CSMD1: variants seen among roughly 807,000 people sequenced by gnomAD.
CSMD1 encodes CUB and Sushi multiple domains 1.
In CSMD1, 213 loss-of-function variants were observed where a neutral mutation model predicts 417.5. The observed-to-expected ratio is 0.51, with a 90% CI of 0.46 to 0.57. The LOEUF (loss-of-function observed/expected upper bound fraction) is 0.57. Ranked by LOEUF, CSMD1 falls within the 20% of genes least tolerant of loss-of-function variation. CSMD1 has a pLI of 0.00. For synonymous variants in CSMD1, 2,862 were observed against 1,736.8 expected (o/e 1.65, Z -16.11); for missense variants, 6,923 against 4,529.7 (o/e 1.53, Z -15.17).
rs200000774 is a variant in CSMD1, at chr8:3,906,489, C to A, written c.818+91414G>T. Among the ~76,000 whole-genome samples, 4 of 151,770 alleles carry A rather than the reference C, an allele frequency of 2.6e-5. No individual in the cohort carries two copies. The East Asian group carries it at 5.9e-4, about 22-fold the overall frequency. ...AAAAGACATAATGGACAAAGTGTATCCGATAAGAGAATGAAAAAACAAGGT... is the reference window on the plus strand; with the variant it reads ...AAAAGACATAATGGACAAAGTGTATACGATAAGAGAATGAAAAAACAAGGT... On this transcript the variant is annotated intron_variant, in intron 5 of 69. Transcript: ENST00000635120.
At chr8:4,205,550 G>T (rs1342652792) in intron 3 of CSMD1, among the ~76,000 whole-genome samples, 1 of 152,144 alleles carries the variant, frequency 6.6e-6, no homozygotes, top group Non-Finnish European at 1.5e-5. Flanking sequence ...ATTGAAAGTT[G>T]ACGGAACTCA....
At chr8:4,572,877 C>T (rs1349939767) in intron 2 of CSMD1, among the ~76,000 whole-genome samples, 2 of 152,250 alleles carry the variant, frequency 1.3e-5, no homozygotes, top group South Asian at 2.1e-4. Flanking sequence ...GATCTTCAAT[C>T]GCTGATATCC....
At chr8:4,494,542 T>C (rs1285671677) in intron 2 of CSMD1, among the ~76,000 whole-genome samples, 3 of 152,202 alleles carry the variant, frequency 2.0e-5, no homozygotes. Flanking sequence ...TAAACATTAT[T>C]GGAGATTTAT....
At chr8:3,813,368 T>G (rs1167852693) in intron 5 of CSMD1, among the ~76,000 whole-genome samples, 2 of 152,152 alleles carry the variant, frequency 1.3e-5, no homozygotes, top group Non-Finnish European at 2.9e-5. Flanking sequence ...TGATGTGAAG[T>G]AAATAAACAG....
At chr8:3,675,039 G>A (rs536077131) in intron 7 of CSMD1, among the ~76,000 whole-genome samples, 4 of 152,276 alleles carry the variant, frequency 2.6e-5, no homozygotes, top group African/African-American at 9.6e-5. Context: ...TTAGGTGGAT[G>A]TATTAATATC....
chr8:3,999,819 G>C (rs1053176032), intron 4 of CSMD1, among the ~76,000 whole-genome samples: 4 of 152,154 alleles, frequency 2.6e-5, no homozygotes, highest in African/African-American at 7.2e-5. Context: ...GTGTTCTCAT[G>C]TTTTAATAGT....
intron 1 of CSMD1, among the ~76,000 whole-genome samples, chr8:4,680,926 CAA>C: frequency 6.7e-6 from 1 of 150,026 alleles, no homozygotes; most frequent in East Asian, 2.0e-4. Flanking sequence ...CACACACACA[CAA>C]ACCCCTAATC....
At chr8:4,489,503 G>C (rs976966644) in intron 2 of CSMD1, among the ~76,000 whole-genome samples, 4 of 152,184 alleles carry the variant, frequency 2.6e-5, no homozygotes, top group African/African-American at 9.7e-5. Context: ...AACGAGAGGT[G>C]GTTGGAATAT....
chr8:4,802,618 T>C (rs1193089806), intron 1 of CSMD1, among the ~76,000 whole-genome samples: 1 of 152,174 alleles, frequency 6.6e-6, no homozygotes, highest in Non-Finnish European at 1.5e-5. Context: ...TGACTCTAGG[T>C]ATCCTGTCTG....
chr8:3,714,410 A>T (rs1018667567), intron 6 of CSMD1, among the ~76,000 whole-genome samples: 1 of 151,178 alleles, frequency 6.6e-6, no homozygotes, highest in Non-Finnish European at 1.5e-5. Context: ...ATTAACTTAC[A>T]TTTGGGAAAA....
chr8:2,990,451 C>T (rs1213777472), intron 54 of CSMD1, among the ~76,000 whole-genome samples: 1 of 152,172 alleles, frequency 6.6e-6, no homozygotes, highest in Non-Finnish European at 1.5e-5. Flanking sequence ...ATCCCCTAAA[C>T]CCATCCCCCA....
intron 3 of CSMD1, among the ~76,000 whole-genome samples, chr8:4,348,327 G>A (rs756469048): frequency 6.6e-5 from 10 of 152,102 alleles, no homozygotes; most frequent in Middle Eastern, 3.4e-3. Context: ...AGAGTGTGAG[G>A]CCACAGCAGC....
At position 3,772,432 on chromosome 8, in the gene CSMD1, CATACATTT is replaced by C. The variant is rs1175351017; in HGVS notation, c.819-18398_819-18391del. On this transcript the variant is annotated intron_variant, in intron 5 of 69. Coordinates refer to ENST00000635120, the MANE Select transcript of CSMD1 (RefSeq NM_033225.6). Reference sequence around the variant, plus strand: ...ATATATTTATATATACACATATATACATACATTTATATATACACATATATATACATATA... The same window carrying C: ...ATATATTTATATATACACATATATACATATATACACATATATATACATATA... Among the ~76,000 whole-genome samples, 4 of 74,994 alleles carry C rather than the reference CATACATTT, an allele frequency of 5.3e-5. 1 individual carries two copies. Among genetic ancestry groups the C allele is most frequent in the African/African-American group, 3.3e-4 (4 of 11,952 alleles). 49.2% of individuals were successfully genotyped at this position (74,994 alleles called of 152,430 possible).
At chr8:4,540,731 T>C (rs1797339199) in intron 2 of CSMD1, among the ~76,000 whole-genome samples, 1 of 152,182 alleles carries the variant, frequency 6.6e-6, no homozygotes, top group Non-Finnish European at 1.5e-5. Context: ...GTGTCTAAGC[T>C]GTGCCAGGTA....
chr8:4,655,762 T>C (rs1369039243), intron 1 of CSMD1, among the ~76,000 whole-genome samples: 1 of 152,138 alleles, frequency 6.6e-6, no homozygotes, highest in Non-Finnish European at 1.5e-5. Flanking sequence ...ACACTAATAG[T>C]ATAATTTACG....
chr8:3,557,872 G>T (rs1435542126), intron 10 of CSMD1, among the ~76,000 whole-genome samples: 1 of 152,154 alleles, frequency 6.6e-6, no homozygotes, highest in African/African-American at 2.4e-5. Flanking sequence ...TAATGCCATT[G>T]GTTCAGCATT....
chr8:3,528,246 G>T (rs1797835507), intron 10 of CSMD1, among the ~76,000 whole-genome samples: 2 of 152,312 alleles, frequency 1.3e-5, no homozygotes, highest in African/African-American at 2.4e-5. Flanking sequence ...TTGTGGAAAG[G>T]GATAGACACA....
chr8:3,231,355 A>C (rs1292632735), intron 26 of CSMD1, among the ~76,000 whole-genome samples: 1 of 152,144 alleles, frequency 6.6e-6, no homozygotes. Flanking sequence ...TTCAACACCA[A>C]GTTTTATGAA....
Position 3,574,954 on chromosome 8 carries a change from G to A in CSMD1, c.1335C>T (p.Asp445=), listed in dbSNP as rs780452190. The A allele has an allele frequency of 4.1e-5, 66 of 1,612,164 alleles. No individual in the cohort carries two copies. Among genetic ancestry groups the A allele is most frequent in the Non-Finnish European group, 5.5e-5 (65 of 1,179,678 alleles). ...GGAGGCGGAGCCTTACCTTGTCCGGGTCGGTGGTGGTGATGACCCACACAC... is the reference window on the plus strand; with the variant it reads ...GGAGGCGGAGCCTTACCTTGTCCGGATCGGTGGTGGTGATGACCCACACAC... The part of the protein sequence containing the change: ...AHCVWVITTT[D]PDKVIKLAFE... The change falls in exon 10 of 70, where the codon GAC becomes GAT. Residue 445 remains aspartate, a synonymous_variant. Transcript: ENST00000635120.
Sources: allele counts gnomAD v4.1 joint callset (sites outside exome capture counted in the v4.1 genomes callset), GRCh38; gene constraint gnomAD v4.1.1; transcripts MANE v1.5; gene names NCBI Gene and HGNC (gene_info 2026-07-23, HGNC 2026-07-21).